The following CAAP1 variants were observed in gnomAD, a reference collection of about 807,000 sequenced individuals.
CAAP1 encodes the protein caspase activity and apoptosis inhibitor 1, also known as conserved anti-apoptotic protein.
A neutral mutation model predicts 34.0 loss-of-function variants in CAAP1; 20 were observed. The ratio of observed to expected loss-of-function variants is 0.59; its 90% CI spans 0.41 to 0.86. The LOEUF (loss-of-function observed/expected upper bound fraction) is 0.86, where lower values mean the gene tolerates loss of function less well. Among genes scored for constraint, CAAP1 ranks in the 40% least tolerant of loss-of-function variants. CAAP1 has a pLI of 0.00. For synonymous variants in CAAP1, 213 were observed against 166.7 expected (o/e 1.28, Z -2.14); for missense variants, 538 against 450.5 (o/e 1.19, Z -1.76).
intron 2 of CAAP1, among the ~76,000 whole-genome samples, 194 bp from the exon 3 acceptor site, chr9:26,886,382 T>A (rs1384660759): frequency 6.6e-6 from 1 of 152,156 alleles, no homozygotes; most frequent in African/African-American, 2.4e-5. Context: ...ACACTGCATA[T>A]TTGAAGGGAA....
chr9:26,886,671 G>T (rs1362143086), intron 2 of CAAP1, among the ~76,000 whole-genome samples: 1 of 152,134 alleles, frequency 6.6e-6, no homozygotes, highest in African/African-American at 2.4e-5. Context: ...AACCATTGCT[G>T]TTTGTTGTTA....
chr9:26,886,484 T>C (rs1039764960), intron 2 of CAAP1, among the ~76,000 whole-genome samples: 1 of 152,214 alleles, frequency 6.6e-6, no homozygotes, highest in African/African-American at 2.4e-5. Flanking sequence ...GTTAAGTAAT[T>C]ATTCTAAAGG....
intron 5 of CAAP1, among the ~76,000 whole-genome samples, chr9:26,844,134 G>A (rs1245020388): frequency 6.6e-6 from 1 of 152,104 alleles, no homozygotes; most frequent in African/African-American, 2.4e-5. Context: ...GAGGTGGGCA[G>A]ATCACCTGGG....
chr9:26,876,430 T>G (rs2131329407), intron 4 of CAAP1, among the ~76,000 whole-genome samples: 1 of 151,122 alleles, frequency 6.6e-6, no homozygotes, highest in East Asian at 2.0e-4. Flanking sequence ...ATGTCTTGGG[T>G]GAGGGGGAGG....
chr9:26,856,568 C>G (rs1822874299), intron 5 of CAAP1, among the ~76,000 whole-genome samples: 1 of 152,166 alleles, frequency 6.6e-6, no homozygotes. Context: ...AACAGCCAAC[C>G]ATTGCTTGAA....
At chr9:26,885,498 A>G (rs1823717177) in intron 3 of CAAP1, among the ~76,000 whole-genome samples, 1 of 152,186 alleles carries the variant, frequency 6.6e-6, no homozygotes, top group Non-Finnish European at 1.5e-5. Context: ...TCAATTTTAC[A>G]TTTAAAAATG....
In CAAP1 at chr9:26,892,770, G is replaced by A. The variant is rs1343915238; in HGVS notation, c.-55C>T. 2.7e-6 allele frequency: 4 copies of A among 1,497,462 alleles called. No homozygotes were observed. The highest frequency in any genetic ancestry group is 3.6e-6 in the Non-Finnish European group (4 of 1,123,086). The allele number at this position is 1,497,462 out of a possible 1,614,324, so 92.8% of individuals were successfully genotyped here. A position where few individuals can be genotyped will look rare whatever the true frequency, so the allele number is the denominator to read the frequency against. ...GTCCGCTGTCTCTGGTGCGACCGAA[G>A]CCCGACTCCTGCGGCCGTGGGCGGC... is the stretch of plus-strand genomic sequence containing the variant. On this transcript the variant is annotated 5_prime_UTR_variant, in exon 1 of 6. Coordinates refer to ENST00000333916, the MANE Select transcript of CAAP1 (RefSeq NM_024828.4).
intron 4 of CAAP1, among the ~76,000 whole-genome samples, chr9:26,862,432 C>T (rs1302977167): frequency 6.6e-6 from 1 of 151,420 alleles, no homozygotes; most frequent in Non-Finnish European, 1.5e-5. Flanking sequence ...AAAAAGACTT[C>T]AAAATATAAT....
chr9:26,853,339 G>C (rs559112358), intron 5 of CAAP1, among the ~76,000 whole-genome samples: 2 of 152,162 alleles, frequency 1.3e-5, no homozygotes. Flanking sequence ...TTTTTAGGGT[G>C]GGTGGGGAGT....
In CAAP1 at chr9:26,892,483, C is replaced by CT; in HGVS notation, c.232dup (p.Ser78LysfsTer27). 6.4e-7 allele frequency: 1 copy of CT among 1,559,436 alleles called. No homozygotes were observed. Among genetic ancestry groups the CT allele is most frequent in the Non-Finnish European group, 8.7e-7 (1 of 1,152,624 alleles). On this transcript the variant is annotated frameshift_variant, in exon 1 of 6. Coordinates refer to ENST00000333916, the MANE Select transcript of CAAP1 (RefSeq NM_024828.4). LOFTEE classifies it high-confidence loss of function. ...CTTCCGGCGCTCGCTGCGCTCCACG[C>CT]TGCTCCCGCCCCAACAGCTGCCGCC... is the stretch of plus-strand genomic sequence containing the variant.
In CAAP1 at chr9:26,848,747, T is replaced by C. The variant is rs1414448054; in HGVS notation, c.740-6100A>G. On this transcript the variant is annotated intron_variant, in intron 5 of 5. Coordinates refer to ENST00000333916, the MANE Select transcript of CAAP1 (RefSeq NM_024828.4). ...CCTTTTTATTTATATTAGGAGTATATTACTTTTAGAGAGATTGGGTCTTAT... is the reference window on the plus strand; with the variant it reads ...CCTTTTTATTTATATTAGGAGTATACTACTTTTAGAGAGATTGGGTCTTAT... 3.3e-5 allele frequency among the ~76,000 whole-genome samples: 5 copies of C among 152,240 alleles called. No homozygotes were observed. In the East Asian group the frequency reaches 9.6e-4, roughly 29 times the overall value.
chr9:26,886,161 G>T lies in CAAP1; in HGVS notation c.532C>A (p.Leu178Ile). 1 of 1,552,200 alleles carries T rather than the reference G, an allele frequency of 6.4e-7. No individual in the cohort carries two copies. The highest frequency in any genetic ancestry group is 8.7e-7 in the Non-Finnish European group (1 of 1,153,424). The change falls in exon 3 of 6, where the codon CTA becomes ATA. Residue 178 changes from leucine (L) to isoleucine (I), a missense_variant. Physicochemically the swap from Leu to Ile is conservative, Grantham distance 5. Transcript: ENST00000333916. ...AGGAGCTCTAACTGTTCCTGGCATA[G>T]TTTTTTAATTTCTTCTATTGAACAG... ...KNCSIEEIKK[L>I]CQEQLELLSE... is the part of the protein sequence containing the mutation.
At chr9:26,885,588 C>G (rs1466486546) in intron 3 of CAAP1, among the ~76,000 whole-genome samples, 2 of 150,372 alleles carry the variant, frequency 1.3e-5, no homozygotes, top group Non-Finnish European at 3.0e-5. Context: ...TGCAAAGTCC[C>G]AAAAGAAAAA....
intron 4 of CAAP1, among the ~76,000 whole-genome samples, chr9:26,866,490 T>C (rs1823142009): frequency 6.6e-6 from 1 of 152,194 alleles, no homozygotes; most frequent in African/African-American, 2.4e-5. Context: ...TCTCACTATA[T>C]CCTTTTAAAA....
chr9:26,881,890 G>C (rs915928471), intron 4 of CAAP1, among the ~76,000 whole-genome samples: 1 of 152,192 alleles, frequency 6.6e-6, no homozygotes, highest in African/African-American at 2.4e-5. Context: ...GAAATCCAGG[G>C]TGTGGTGGTT....
intron 5 of CAAP1, among the ~76,000 whole-genome samples, chr9:26,849,015 G>A (rs1253544607): frequency 2.0e-5 from 3 of 152,140 alleles, no homozygotes; most frequent in East Asian, 1.9e-4. Flanking sequence ...AGATGGATTC[G>A]TTTATTTAAA....
chr9:26,869,679 C>T (rs578140262), intron 4 of CAAP1, among the ~76,000 whole-genome samples: 53 of 152,228 alleles, frequency 3.5e-4, no homozygotes, highest in Non-Finnish European at 6.3e-4. Context: ...TTAAATTACA[C>T]AATTATAAAT....
In CAAP1 at chr9:26,884,818, T is replaced by A; in HGVS notation, c.657A>T (p.Leu219Phe). 1 of 1,606,930 alleles carries A rather than the reference T, an allele frequency of 6.2e-7. No individual in the cohort carries two copies. Among genetic ancestry groups the A allele is most frequent in the Non-Finnish European group, 8.5e-7 (1 of 1,177,532 alleles). ...AAAGTTTTTAAACTTACTGACTGAC[T>A]AAATCAGATCCCATCTTAGAACCAT... ...ADDGSKMGSD[L>F]VSQQDICIDS... Residue 219 changes from leucine to phenylalanine, a missense_variant, in exon 4 of 6, where the codon TTA becomes TTT. By Grantham distance (22) the Leu-to-Phe change is conservative. Coordinates refer to ENST00000333916, the MANE Select transcript of CAAP1 (RefSeq NM_024828.4).
intron 4 of CAAP1, among the ~76,000 whole-genome samples, chr9:26,876,711 T>C (rs189769542): frequency 2.6e-4 from 40 of 152,264 alleles, no homozygotes; most frequent in Non-Finnish European, 3.8e-4. Context: ...CCTAGGTATG[T>C]AGCAGGCTAT....
Sources: allele counts gnomAD v4.1 joint callset (sites outside exome capture counted in the v4.1 genomes callset), GRCh38; gene constraint gnomAD v4.1.1; transcripts MANE v1.5; gene names NCBI Gene and HGNC (gene_info 2026-07-23, HGNC 2026-07-21).